The following PCDH11X variants were observed in gnomAD, a reference collection of about 807,000 sequenced individuals.
PCDH11X encodes protocadherin 11 X-linked.
In PCDH11X, 18 loss-of-function variants were observed where a neutral mutation model predicts 53.3. The ratio of observed to expected loss-of-function variants is 0.34; its 90% confidence interval spans 0.23 to 0.50. The LOEUF is 0.50. Among genes scored for constraint, PCDH11X ranks in the 20% least tolerant of loss-of-function variants. PCDH11X has a pLI of 0.98. For missense variants in PCDH11X, 570 were observed against 1,032.4 expected (o/e 0.55, Z 6.14); for synonymous variants, 279 against 393.3 (o/e 0.71, Z 3.44).
intron 8 of PCDH11X, among the ~76,000 whole-genome samples, chrX:92,382,505 A>G (rs1013899972): frequency 2.7e-5 from 3 of 111,377 alleles, no homozygotes; most frequent in Non-Finnish European, 5.7e-5. Context: ...ATGTAAAAAT[A>G]TTTACCTGAT....
At chrX:92,532,877 T>C (rs1333160277) in intron 10 of PCDH11X, among the ~76,000 whole-genome samples, 5 of 111,673 alleles carry the variant, frequency 4.5e-5, no homozygotes, top group African/African-American at 1.6e-4. Context: ...CTTACATGGA[T>C]GGAAGCAGGC....
chrX:92,409,725 A>G (rs1266486693), intron 9 of PCDH11X, among the ~76,000 whole-genome samples: 2 of 112,303 alleles, frequency 1.8e-5, no homozygotes, highest in Non-Finnish European at 3.8e-5. Context: ...AAAAGTAACA[A>G]TGGCTAAACT....
intron 10 of PCDH11X, among the ~76,000 whole-genome samples, chrX:92,477,367 C>T (rs1317195426): frequency 4.8e-5 from 5 of 103,856 alleles, no homozygotes; most frequent in African/African-American, 1.8e-4. Flanking sequence ...AGGAGTTTCA[C>T]CCTGTGGCCA....
intron 9 of PCDH11X, among the ~76,000 whole-genome samples, chrX:92,429,706 T>G (rs1262202159): frequency 9.5e-6 from 1 of 105,205 alleles, no homozygotes; most frequent in African/African-American, 3.4e-5. Flanking sequence ...CTTACTACCC[T>G]GATTCTCTGA....
At position 92,408,674 on chromosome X, in the gene PCDH11X, T is replaced by C. The variant is rs372346487; in HGVS notation, c.3343+20741T>C. ...CTCGGCTCACTGCAAGCTCTGCCTC[T>C]CGGGTTCACGCCATTCTCCTGCCTC... On this transcript the variant is annotated intron_variant, in intron 9 of 10. Coordinates refer to ENST00000682573, the MANE Select transcript of PCDH11X (RefSeq NM_032968.5). Among the ~76,000 whole-genome samples, 38 of 111,268 alleles carry C rather than the reference T, an allele frequency of 3.4e-4. No homozygotes were observed. In the East Asian group the frequency reaches 9.4e-3, roughly 27 times the overall value.
At chrX:92,289,757 G>T (rs1395062771) in intron 8 of PCDH11X, among the ~76,000 whole-genome samples, 1 of 110,241 alleles carries the variant, frequency 9.1e-6, no homozygotes, top group Non-Finnish European at 1.9e-5. Context: ...GAACAATATT[G>T]CCTAAAAGCA....
chrX:91,913,551 A>C (rs1941451207), intron 6 of PCDH11X, among the ~76,000 whole-genome samples: 1 of 111,193 alleles, frequency 9.0e-6, no homozygotes. Flanking sequence ...TGGTCATGGC[A>C]AGCCCTCCCC....
Position 92,061,618 on chromosome X carries a change from G to A in PCDH11X, c.3034-139757G>A, listed in dbSNP as rs575722417. Among the ~76,000 whole-genome samples, 21 of 109,410 alleles carry A rather than the reference G, an allele frequency of 1.9e-4. No homozygotes were observed. The South Asian group carries it at 6.6e-3, about 34-fold the overall frequency. On this transcript the variant is annotated intron_variant, in intron 6 of 10. Transcript: ENST00000682573. Reference sequence around the variant, plus strand: ...GATCAAGTTATTGTAGGTGTGTTGCGTTATTTGGGGGCTCTGTCTTCTGTT... The same window carrying A: ...GATCAAGTTATTGTAGGTGTGTTGCATTATTTGGGGGCTCTGTCTTCTGTT...
intron 10 of PCDH11X, among the ~76,000 whole-genome samples, chrX:92,469,365 C>T (rs1240308055): frequency 2.7e-5 from 3 of 111,114 alleles, no homozygotes; most frequent in African/African-American, 9.8e-5. Context: ...GTTCTAATGT[C>T]CATGATACAT....
chrX:92,003,464 C>G (rs2062544374), intron 6 of PCDH11X, among the ~76,000 whole-genome samples: 1 of 108,793 alleles, frequency 9.2e-6, no homozygotes, highest in Non-Finnish European at 1.9e-5. Flanking sequence ...GCATTAATCA[C>G]TTAAATGTTT....
intron 10 of PCDH11X, among the ~76,000 whole-genome samples, chrX:92,475,164 CAAAAAAAAAAAAAAAAAA>C (rs761171281): frequency 3.3e-5 from 1 of 30,541 alleles, no homozygotes; most frequent in East Asian, 1.6e-3. Flanking sequence ...GACTCCGTCT[CAAAAAAAAAAAAAAAAAA>C]AAAAAAAAAA....
chrX:92,505,356 C>G (rs1377484921), intron 10 of PCDH11X, among the ~76,000 whole-genome samples: 5 of 108,183 alleles, frequency 4.6e-5, no homozygotes, highest in Non-Finnish European at 9.6e-5. Context: ...GCATTTAACT[C>G]AACTTGGGTT....
intron 6 of PCDH11X, among the ~76,000 whole-genome samples, chrX:92,174,200 C>T (rs1483830061): frequency 9.5e-6 from 1 of 105,732 alleles, no homozygotes; most frequent in African/African-American, 3.5e-5. Context: ...AGACTCTAGA[C>T]AGTATGATTA....
At chrX:92,238,097 C>T (rs2067202560) in intron 7 of PCDH11X, among the ~76,000 whole-genome samples, 1 of 111,575 alleles carries the variant, frequency 9.0e-6, no homozygotes, top group African/African-American at 3.2e-5. Flanking sequence ...CATAGTTTAG[C>T]CACAATTTTA....
intron 9 of PCDH11X, among the ~76,000 whole-genome samples, chrX:92,444,875 G>T (rs1486798978): frequency 1.1e-4 from 10 of 93,337 alleles, no homozygotes; most frequent in Non-Finnish European, 2.2e-4. Context: ...ATTTGTGTAT[G>T]TTGAATCAAC....
intron 6 of PCDH11X, among the ~76,000 whole-genome samples, chrX:92,178,982 A>AT (rs983324153): frequency 8.9e-5 from 10 of 111,929 alleles, no homozygotes; most frequent in Admixed American, 1.9e-4. Flanking sequence ...AAATAACTCT[A>AT]TTTTTTTATC....
intron 6 of PCDH11X, among the ~76,000 whole-genome samples, chrX:91,937,360 A>G (rs999901591): frequency 7.2e-5 from 8 of 110,784 alleles, no homozygotes; most frequent in African/African-American, 2.3e-4. Context: ...CTATCTAAAG[A>G]GTAAAATCAG....
chrX:91,819,528 C>T (rs1170105234), intron 4 of PCDH11X, among the ~76,000 whole-genome samples: 5 of 108,866 alleles, frequency 4.6e-5, no homozygotes, highest in Middle Eastern at 4.8e-3. Context: ...TAAATCACTC[C>T]GATTATTTCT....
chrX:92,296,037 G>A (rs1274582964), intron 8 of PCDH11X, among the ~76,000 whole-genome samples: 5 of 108,887 alleles, frequency 4.6e-5, no homozygotes, highest in African/African-American at 6.7e-5. Context: ...AGCCGAGATC[G>A]TGCCATTGCA....
Sources: allele counts gnomAD v4.1 joint callset (sites outside exome capture counted in the v4.1 genomes callset), GRCh38; gene constraint gnomAD v4.1.1; transcripts MANE v1.5; gene names NCBI Gene and HGNC (gene_info 2026-07-23, HGNC 2026-07-21).